OTUD7A: variants seen among roughly 807,000 people sequenced by gnomAD.
OTUD7A encodes the protein OTU deubiquitinase 7A, also known as OTU domain-containing protein 7A.
A neutral mutation model predicts 65.7 loss-of-function variants in OTUD7A; 12 were observed. The observed-to-expected ratio is 0.18, with a 90% CI of 0.12 to 0.30. The LOEUF (loss-of-function observed/expected upper bound fraction) is 0.30. OTUD7A is among the 10% of genes least tolerant of loss of function. OTUD7A has a pLI of 1.00. For synonymous variants in OTUD7A, 641 were observed against 586.3 expected (o/e 1.09, Z -1.35); for missense variants, 1,148 against 1,304.8 (o/e 0.88, Z 1.85).
intron 1 of OTUD7A, among the ~76,000 whole-genome samples, chr15:31,823,076 C>CATGT (rs1896724379): frequency 6.6e-6 from 1 of 152,196 alleles, no homozygotes; most frequent in Non-Finnish European, 1.5e-5. Flanking sequence ...AAAACTTTGT[C>CATGT]AGCCTCTCTG....
At chr15:31,775,725 C>A (rs568886695) in intron 1 of OTUD7A, among the ~76,000 whole-genome samples, 1 of 152,300 alleles carries the variant, frequency 6.6e-6, no homozygotes, top group Admixed American at 6.5e-5. Flanking sequence ...TGCTCCTAGA[C>A]GCCTGAAGGA....
chr15:31,614,536 A>G (rs1890528652), intron 3 of OTUD7A, among the ~76,000 whole-genome samples: 1 of 152,184 alleles, frequency 6.6e-6, no homozygotes, highest in Non-Finnish European at 1.5e-5. Context: ...AGAAAATGGA[A>G]TATCTTCAGA....
At chr15:31,658,750 A>C (rs1892065698) in intron 1 of OTUD7A, among the ~76,000 whole-genome samples, 1 of 151,870 alleles carries the variant, frequency 6.6e-6, no homozygotes, top group Non-Finnish European at 1.5e-5. Context: ...TGTTTTGGCC[A>C]GGTGCGGTGG....
chr15:31,626,933 TAAAGA>T, intron 3 of OTUD7A, among the ~76,000 whole-genome samples: 1 of 145,348 alleles, frequency 6.9e-6, no homozygotes. Flanking sequence ...TTTTACACCT[TAAAGA>T]TTACTTTATT....
At chr15:31,619,655 A>G (rs1016578755) in intron 3 of OTUD7A, among the ~76,000 whole-genome samples, 1 of 152,066 alleles carries the variant, frequency 6.6e-6, no homozygotes, top group Non-Finnish European at 1.5e-5. Flanking sequence ...TATCAGCTTA[A>G]GGAGATTTTG....
At chr15:31,631,798 T>G (rs1429674164) in intron 3 of OTUD7A, among the ~76,000 whole-genome samples, 1 of 152,170 alleles carries the variant, frequency 6.6e-6, no homozygotes, top group Non-Finnish European at 1.5e-5. Flanking sequence ...CTTTTTATTC[T>G]TTTTTCTCTA....
chr15:31,521,983 A>T (rs756061037), intron 8 of OTUD7A, among the ~76,000 whole-genome samples: 19 of 152,192 alleles, frequency 1.2e-4, no homozygotes, highest in Admixed American at 2.0e-4. Context: ...TTTTCACCAT[A>T]GTCAAGATAA....
chr15:31,840,630 T>C (rs1170573273), intron 1 of OTUD7A, among the ~76,000 whole-genome samples: 5 of 152,050 alleles, frequency 3.3e-5, no homozygotes, highest in South Asian at 4.1e-4. Context: ...CCCCCTTTAA[T>C]AGACACTGGT....
intron 1 of OTUD7A, among the ~76,000 whole-genome samples, chr15:31,748,843 T>A (rs936293678): frequency 2.6e-5 from 4 of 152,220 alleles, no homozygotes; most frequent in Non-Finnish European, 5.9e-5. Context: ...TTTTGCATTA[T>A]ACCCTTAATA....
chr15:31,513,365 C>T lies in OTUD7A; in HGVS notation c.894-9547G>A, dbSNP rs146296398. 4.5e-3 allele frequency among the ~76,000 whole-genome samples: 690 copies of T among 152,360 alleles called. 10 individuals carry two copies. Among genetic ancestry groups the T allele is most frequent in the African/African-American group, 0.016 (659 of 41,588 alleles). On this transcript the variant is annotated intron_variant, in intron 8 of 12. Transcript: ENST00000307050. ...AACATCCTCCTACACAACCACCACA[C>T]GGCTACCGACATCAGGAATTCACAC...
intron 3 of OTUD7A, among the ~76,000 whole-genome samples, chr15:31,652,313 A>T (rs1335629655): frequency 6.6e-6 from 1 of 152,248 alleles, no homozygotes; most frequent in Admixed American, 6.5e-5. Context: ...ATCTGGACCT[A>T]AATCTCACAT....
At chr15:31,767,970 T>C in intron 1 of OTUD7A, 2 of 1,567,302 alleles carry the variant, frequency 1.3e-6, no homozygotes, top group Non-Finnish European at 1.8e-6. Flanking sequence ...ATACGATTCT[T>C]AAGAAATTTC....
intron 1 of OTUD7A, among the ~76,000 whole-genome samples, chr15:31,698,886 T>C (rs1893145234): frequency 6.6e-6 from 1 of 151,082 alleles, no homozygotes; most frequent in African/African-American, 2.4e-5. Flanking sequence ...TTACTCTTTC[T>C]GAGCATCACA....
At chr15:31,606,911 C>T (rs1224632958) in intron 3 of OTUD7A, among the ~76,000 whole-genome samples, 1 of 152,154 alleles carries the variant, frequency 6.6e-6, no homozygotes, top group Non-Finnish European at 1.5e-5. Flanking sequence ...CTTATTCCAG[C>T]AATGAAGTAA....
chr15:31,730,716 G>T (rs1372684672), intron 1 of OTUD7A, among the ~76,000 whole-genome samples: 2 of 152,198 alleles, frequency 1.3e-5, no homozygotes, highest in African/African-American at 4.8e-5. Context: ...CCTTGGGCAG[G>T]ATACTCAGGC....
In OTUD7A at chr15:31,476,602, C is replaced by G; in HGVS notation, c.*6692G>C. ...CACTGTTTATTTGGCAATTCAAGCA[C>G]AGGAATGCACATGTGTGGGCCCACT... On this transcript the variant is annotated 3_prime_UTR_variant, in exon 13 of 13. Coordinates refer to ENST00000307050, the MANE Select transcript of OTUD7A (RefSeq NM_001382637.1). 6.6e-6 allele frequency: 1 copy of G among 152,262 alleles called. No individual in the cohort carries two copies. Among genetic ancestry groups the G allele is most frequent in the East Asian group, 1.9e-4 (1 of 5,198 alleles). 9.4% of individuals were successfully genotyped at this position (152,262 alleles called of 1,614,324 possible). A position where few individuals can be genotyped will look rare whatever the true frequency, so the allele number is the denominator to read the frequency against.
intron 3 of OTUD7A, among the ~76,000 whole-genome samples, chr15:31,619,125 T>C (rs572452480): frequency 3.3e-5 from 5 of 152,234 alleles, no homozygotes; most frequent in Non-Finnish European, 7.3e-5. Context: ...TTCTGCTCCA[T>C]TGATCTATAT....
intron 1 of OTUD7A, among the ~76,000 whole-genome samples, chr15:31,797,510 C>T (rs544234419): frequency 4.0e-3 from 608 of 152,268 alleles, no homozygotes; most frequent in Admixed American, 7.9e-3. Flanking sequence ...CCTGTCTTTT[C>T]CCCCAGAGGA....
intron 1 of OTUD7A, among the ~76,000 whole-genome samples, chr15:31,832,571 C>T (rs920130444): frequency 2.0e-5 from 3 of 152,194 alleles, no homozygotes; most frequent in South Asian, 2.1e-4. Context: ...TCTTGTAAAA[C>T]GGAAACTCTG....
Sources: gnomAD v4.1 joint callset for allele counts (sites outside exome capture counted in the v4.1 genomes callset) on GRCh38, gnomAD v4.1.1 for gene constraint, MANE v1.5 for transcripts, NCBI Gene and HGNC (gene_info 2026-07-23, HGNC 2026-07-21) for gene names.